Variants in CDH12 observed in about 807,000 individuals in gnomAD.
CDH12 encodes the protein cadherin 12, also known as cadherin-12.
CDH12 carries 41 observed loss-of-function variants against 74.1 expected under a neutral mutation model. The observed-to-expected ratio is 0.55, with a 90% CI of 0.43 to 0.72. The LOEUF (loss-of-function observed/expected upper bound fraction) is 0.72. CDH12 is among the 30% of genes least tolerant of loss of function. The pLI is 0.00. For synonymous variants in CDH12, 399 were observed against 355.0 expected (o/e 1.12, Z -1.39); for missense variants, 945 against 977.2 (o/e 0.97, Z 0.44).
At position 22,425,151 on chromosome 5, in the gene CDH12, G is replaced by A. The variant is rs1265428942; in HGVS notation, c.-427-19800C>T. ...TATGTAAAATTATATATATGTGTGTGTGTATATATATATATATATAAATAT... is the reference window on the plus strand; with the variant it reads ...TATGTAAAATTATATATATGTGTGTATGTATATATATATATATATAAATAT... On this transcript the variant is annotated intron_variant, in intron 2 of 14. Transcript: ENST00000382254. Among the ~76,000 whole-genome samples the A allele has an allele frequency of 1.3e-4, 11 of 84,632 alleles. No homozygotes were observed. The East Asian group carries it at 4.0e-3, about 31-fold the overall frequency. The allele number at this position is 84,632 out of a possible 152,430, so 55.5% of individuals were successfully genotyped here. A position where few individuals can be genotyped will look rare whatever the true frequency, so the allele number is the denominator to read the frequency against.
At chr5:22,402,431 G>C (rs569265206) in intron 3 of CDH12, among the ~76,000 whole-genome samples, 2 of 152,296 alleles carry the variant, frequency 1.3e-5, no homozygotes, top group Admixed American at 1.3e-4. Context: ...ATCCTTGCTA[G>C]AAAGTAGCAG....
intron 3 of CDH12, among the ~76,000 whole-genome samples, chr5:22,237,716 C>G (rs529415378): frequency 1.3e-5 from 2 of 152,214 alleles, no homozygotes; most frequent in South Asian, 4.1e-4. Flanking sequence ...AGAGAAACAA[C>G]TTATGAAACA....
intron 1 of CDH12, among the ~76,000 whole-genome samples, chr5:22,713,630 G>A (rs1743411710): frequency 1.3e-5 from 2 of 152,060 alleles, no homozygotes; most frequent in African/African-American, 4.8e-5. Context: ...TGTATAAGGA[G>A]ATTGTGGCAT....
chr5:22,704,834 G>A (rs1005973809), intron 1 of CDH12, among the ~76,000 whole-genome samples: 28 of 151,810 alleles, frequency 1.8e-4, no homozygotes, highest in African/African-American at 6.5e-4. Flanking sequence ...AATTGTTGAG[G>A]AACCCATTAT....
chr5:22,319,799 G>C (rs1738789739), intron 3 of CDH12, among the ~76,000 whole-genome samples: 1 of 151,868 alleles, frequency 6.6e-6, no homozygotes, highest in African/African-American at 2.4e-5. Flanking sequence ...GTGAGTGATG[G>C]AAGTGGGAAG....
At chr5:22,705,005 T>G (rs1373084147) in intron 1 of CDH12, among the ~76,000 whole-genome samples, 1 of 151,924 alleles carries the variant, frequency 6.6e-6, no homozygotes, top group Non-Finnish European at 1.5e-5. Context: ...CTTTGTATAC[T>G]GCATGGATCT....
At chr5:22,145,420 C>T (rs1341765688) in intron 4 of CDH12, among the ~76,000 whole-genome samples, 1 of 151,942 alleles carries the variant, frequency 6.6e-6, no homozygotes, top group Non-Finnish European at 1.5e-5. Flanking sequence ...ACTGAAATAT[C>T]ACAAAAGTGA....
At chr5:21,942,093 C>T (rs1162720695) in intron 6 of CDH12, among the ~76,000 whole-genome samples, 2 of 151,764 alleles carry the variant, frequency 1.3e-5, no homozygotes, top group Non-Finnish European at 2.9e-5. Context: ...AAGATGCCTT[C>T]GAGTTAGGAA....
chr5:21,898,503 C>T (rs11956494), intron 6 of CDH12, among the ~76,000 whole-genome samples: 6,410 of 151,936 alleles, frequency 0.042, 176 homozygotes, highest in Middle Eastern at 0.065. Context: ...GAGATCGAGA[C>T]CATCCTGGCT....
At chr5:22,306,867 TA>T (rs1236341307) in intron 3 of CDH12, among the ~76,000 whole-genome samples, 4 of 152,250 alleles carry the variant, frequency 2.6e-5, no homozygotes, top group African/African-American at 9.6e-5. Context: ...CTTACAGTTT[TA>T]AAATCATAGC....
intron 3 of CDH12, among the ~76,000 whole-genome samples, chr5:22,319,532 C>T (rs1395206480): frequency 6.6e-6 from 1 of 152,078 alleles, no homozygotes. Context: ...CCCCATTACT[C>T]AGCAGCATAG....
chr5:22,484,869 G>T (rs2662490), intron 2 of CDH12, among the ~76,000 whole-genome samples: 144,831 of 152,250 alleles, frequency 0.95, 68,995 homozygotes, highest in African/African-American at 0.98. Context: ...TAATATAGTA[G>T]AACAATAACA....
intron 6 of CDH12, among the ~76,000 whole-genome samples, chr5:21,941,200 T>G (rs1755314900): frequency 6.6e-6 from 1 of 152,152 alleles, no homozygotes; most frequent in South Asian, 2.1e-4. Flanking sequence ...AATTTGACAT[T>G]GGCTGACTCT....
chr5:22,117,497 A>AT (rs1331793296), intron 4 of CDH12, among the ~76,000 whole-genome samples: 3 of 75,330 alleles, frequency 4.0e-5, no homozygotes, highest in African/African-American at 1.8e-4. Context: ...TATTATATAT[A>AT]TATAATATAT....
intron 2 of CDH12, among the ~76,000 whole-genome samples, chr5:22,494,435 A>T (rs979812382): frequency 4.6e-5 from 7 of 152,186 alleles, no homozygotes; most frequent in Admixed American, 1.3e-4. Flanking sequence ...ACAACCCTGA[A>T]CTGAAATGAT....
At chr5:22,672,088 TTATA>T (rs1453808072) in intron 1 of CDH12, among the ~76,000 whole-genome samples, 1 of 120,862 alleles carries the variant, frequency 8.3e-6, no homozygotes, top group Non-Finnish European at 1.6e-5. Context: ...ATATAAATAA[TTATA>T]TATAATATAT....
rs1470508624 is a variant in CDH12 at position 21,975,255 on chromosome 5, T to C, written c.362A>G (p.Glu121Gly). 6.3e-7 allele frequency: 1 copy of C among 1,597,284 alleles called. No homozygotes were observed. The highest frequency in any genetic ancestry group is 8.5e-7 in the Non-Finnish European group (1 of 1,179,698). Reference protein sequence around the residue: ...IHAIRSLDREEKPFYTLRAQA... With the variant: ...IHAIRSLDREGKPFYTLRAQA... ...AGCACGAAGAGTGTAGAAAGGTTTC[T>C]CTTCTCTATCTAGGCTCCTTATTGC... The change falls in exon 6 of 15, where the codon GAG becomes GGG. Residue 121 changes from glutamate (E) to glycine (G), a missense_variant. Glu to Gly is a moderately conservative substitution (Grantham distance 98). Transcript: ENST00000382254.
intron 2 of CDH12, among the ~76,000 whole-genome samples, chr5:22,483,964 A>G (rs1328488097): frequency 6.6e-6 from 1 of 150,662 alleles, no homozygotes; most frequent in African/African-American, 2.4e-5. Context: ...TCCAAATTTC[A>G]GAAACAAACT....
At chr5:22,009,460 T>TC (rs1210217887) in intron 5 of CDH12, among the ~76,000 whole-genome samples, 1 of 151,888 alleles carries the variant, frequency 6.6e-6, no homozygotes, top group African/African-American at 2.4e-5. Context: ...CACAGAAATT[T>TC]CCCCCCAAAT....
Sources: allele counts gnomAD v4.1 joint callset (sites outside exome capture counted in the v4.1 genomes callset), GRCh38; gene constraint gnomAD v4.1.1; transcripts MANE v1.5; gene names NCBI Gene and HGNC (gene_info 2026-07-23, HGNC 2026-07-21).